ANKDD1A: variants seen among roughly 807,000 people sequenced by gnomAD.
ANKDD1A encodes ankyrin repeat and death domain containing 1A.
In ANKDD1A, 59 loss-of-function variants were observed where a neutral mutation model predicts 63.5. The ratio of observed to expected loss-of-function variants is 0.93; its 90% confidence interval spans 0.75 to 1.15. The LOEUF is 1.15. Among genes scored for constraint, ANKDD1A ranks in the 50% most tolerant of loss-of-function variants. The pLI is 0.00. For missense variants in ANKDD1A, 632 were observed against 656.4 expected (o/e 0.96, Z 0.41); for synonymous variants, 266 against 263.9 (o/e 1.01, Z -0.08).
chr15:64,941,345 T>C (rs970041917), intron 9 of ANKDD1A, among the ~76,000 whole-genome samples: 3 of 152,178 alleles, frequency 2.0e-5, no homozygotes, highest in Non-Finnish European at 4.4e-5. Flanking sequence ...GGGTGACTTA[T>C]AAAGAATGGA....
chr15:64,915,265 A>G (rs138446356), intron 1 of ANKDD1A, among the ~76,000 whole-genome samples: 2,134 of 152,304 alleles, frequency 0.014, 61 homozygotes, highest in East Asian at 0.1. Context: ...AGATCACGCC[A>G]CTGCACTCCA....
chr15:64,953,679 C>CT lies in ANKDD1A; in HGVS notation c.1484-3422dup, dbSNP rs2085355538. Among the ~76,000 whole-genome samples, 108 of 43,248 alleles carry CT rather than the reference C, an allele frequency of 2.5e-3. 1 individual carries two copies. The highest frequency in any genetic ancestry group is 0.022 in the South Asian group (45 of 2,016). The allele number at this position is 43,248 out of a possible 152,430, so 28.4% of individuals were successfully genotyped here. A position where few individuals can be genotyped will look rare whatever the true frequency, so the allele number is the denominator to read the frequency against. ...TTCTTTTCTTTCTTCTCCTTCTTTT[C>CT]TTCTCCTTCTCCCTTCTTCTTTCTT... On this transcript the variant is annotated intron_variant, in intron 14 of 14. Coordinates refer to ENST00000319580, the MANE Select transcript of ANKDD1A (RefSeq NM_182703.6).
chr15:64,921,783 T>G, intron 3 of ANKDD1A, 138 bp from the exon 4 acceptor site: 1 of 671,086 alleles, frequency 1.5e-6, no homozygotes, highest in African/African-American at 1.8e-5. Flanking sequence ...TTTAAACTCC[T>G]AAAGCTTGGA....
chr15:64,933,432 C>G (rs1354417847), intron 8 of ANKDD1A, among the ~76,000 whole-genome samples: 2 of 152,214 alleles, frequency 1.3e-5, no homozygotes, highest in African/African-American at 4.8e-5. Flanking sequence ...AAGATCAAGC[C>G]TCCATTCTAG....
intron 14 of ANKDD1A, among the ~76,000 whole-genome samples, chr15:64,951,676 CCTTCTTT>C (rs1401911791): frequency 1.4e-4 from 12 of 82,828 alleles, no homozygotes; most frequent in African/African-American, 5.6e-4. Flanking sequence ...TTCTTTCTTT[CCTTCTTT>C]CTTCTTCCTC....
chr15:64,925,997 G>A, intron 4 of ANKDD1A, 69 bp from the exon 5 acceptor site: 1 of 1,410,996 alleles, frequency 7.1e-7, no homozygotes, highest in Non-Finnish European at 9.8e-7. Context: ...TCGCTGTTTG[G>A]GAGACTGGCA....
intron 14 of ANKDD1A, chr15:64,951,508 CCTTCTTCCTGTTTT>C (rs1327245074): frequency 7.7e-6 from 1 of 130,622 alleles, no homozygotes; most frequent in African/African-American, 2.9e-5. Flanking sequence ...TCTTCCTCTT[CCTTCTTCCTGTTTT>C]CTTCTTCCTC....
intron 8 of ANKDD1A, 38 bp downstream of exon 8, chr15:64,931,623 C>G: frequency 6.3e-7 from 1 of 1,599,230 alleles, no homozygotes. Context: ...CGGCTCTTGG[C>G]TGCTGAGCCA....
At chr15:64,922,789 G>A (rs749235379) in intron 4 of ANKDD1A, among the ~76,000 whole-genome samples, 6 of 152,072 alleles carry the variant, frequency 3.9e-5, no homozygotes, top group East Asian at 1.9e-4. Context: ...CTATAGGCGC[G>A]TGCCACCACT....
chr15:64,949,295 C>G (rs532633575), intron 13 of ANKDD1A, among the ~76,000 whole-genome samples: 1 of 152,328 alleles, frequency 6.6e-6, no homozygotes, highest in Non-Finnish European at 1.5e-5. Context: ...AGGCTGCACC[C>G]AGTCCCAGGT....
chr15:64,924,781 C>T (rs763612366), intron 4 of ANKDD1A, among the ~76,000 whole-genome samples: 1 of 152,132 alleles, frequency 6.6e-6, no homozygotes. Flanking sequence ...AGAGTAGTAG[C>T]CAAGTATTTT....
At chr15:64,956,816 G>A (rs1236767311) in intron 14 of ANKDD1A, among the ~76,000 whole-genome samples, 1 of 151,966 alleles carries the variant, frequency 6.6e-6, no homozygotes, top group Non-Finnish European at 1.5e-5. Context: ...GCCTCCCAAA[G>A]TGCTGGGACT....
intron 7 of ANKDD1A, 135 bp downstream of exon 7, chr15:64,931,055 G>A (rs2085086773): frequency 2.3e-6 from 2 of 883,968 alleles, no homozygotes; most frequent in African/African-American, 1.7e-5. Context: ...GCCCACCAGG[G>A]AAAGACAAGC....
rs2085440678 is a variant in ANKDD1A at position 64,958,482 on chromosome 15, A to C, written c.*1294A>C. The C allele has an allele frequency of 6.6e-6, 1 of 152,106 alleles. No individual in the cohort carries two copies. Among genetic ancestry groups the C allele is most frequent in the Non-Finnish European group, 1.5e-5 (1 of 68,008 alleles). The allele number at this position is 152,106 out of a possible 1,614,324, so 9.4% of individuals were successfully genotyped here. On this transcript the variant is annotated 3_prime_UTR_variant, in exon 15 of 15. Transcript: ENST00000319580. The stretch of plus-strand genomic sequence containing the variant: ...TCTAAACCTAAAACTGTTCTAAAAT[A>C]GAAAGTCTGTGAAAAAAAACAAAAG...
intron 14 of ANKDD1A, among the ~76,000 whole-genome samples, chr15:64,953,143 CCTTT>C (rs1413150275): frequency 9.3e-5 from 2 of 21,620 alleles, no homozygotes; most frequent in African/African-American, 1.3e-4. Flanking sequence ...CTTTTTTCTT[CCTTT>C]TTCTCCTTTC....
At chr15:64,939,784 T>C (rs957775021) in intron 9 of ANKDD1A, among the ~76,000 whole-genome samples, 1 of 152,210 alleles carries the variant, frequency 6.6e-6, no homozygotes, top group Non-Finnish European at 1.5e-5. Context: ...CTGAAGCAAC[T>C]GTACATCCAC....
intron 1 of ANKDD1A, among the ~76,000 whole-genome samples, chr15:64,912,857 A>G (rs552615763): frequency 6.6e-6 from 1 of 152,340 alleles, no homozygotes; most frequent in African/African-American, 2.4e-5. Context: ...AAGATTAGGT[A>G]CATGGTTCTG....
chr15:64,917,509 C>G lies in ANKDD1A; in HGVS notation c.262C>G (p.Leu88Val). 2.6e-6 allele frequency: 4 copies of G among 1,558,160 alleles called. No homozygotes were observed. The highest frequency in any genetic ancestry group is 1.2e-5 in the South Asian group (1 of 84,376). ...DAVGALTEAR[L>V]CFGMNALLLS... is the part of the protein sequence containing the mutation. ...GGTAGGGGCCCTCACAGAGGCACGT[C>G]TGTGTGTACGTGTCTGTCTGTCTGT... Residue 88 changes from leucine to valine, a missense_variant, in exon 3 of 15, where the codon CTG becomes GTG. By Grantham distance (32) the Leu-to-Val change is conservative (BLOSUM62 1). Coordinates refer to ENST00000319580, the MANE Select transcript of ANKDD1A (RefSeq NM_182703.6).
At chr15:64,915,997 C>T (rs867903480) in intron 2 of ANKDD1A, 97 bp downstream of exon 2, 9 of 1,177,564 alleles carry the variant, frequency 7.6e-6, no homozygotes, top group Middle Eastern at 3.9e-4. Context: ...GAGGCAGGCA[C>T]ATTTGCATGT....
Sources: gnomAD v4.1 joint callset for allele counts (sites outside exome capture counted in the v4.1 genomes callset) on GRCh38, gnomAD v4.1.1 for gene constraint, MANE v1.5 for transcripts, NCBI Gene and HGNC (gene_info 2026-07-23, HGNC 2026-07-21) for gene names.